The following UQCR10 variants were observed in gnomAD, a reference collection of about 807,000 sequenced individuals.
The protein encoded by UQCR10 is cytochrome b-c1 complex subunit 9.
UQCR10 carries 5 observed loss-of-function variants against 6.0 expected under a neutral mutation model. The ratio of observed to expected loss-of-function variants is 0.83; its 90% CI spans 0.43 to 1.74. The LOEUF (loss-of-function observed/expected upper bound fraction) is 1.74. Ranked by LOEUF, UQCR10 falls within the 40% of genes most tolerant of loss-of-function variation. The pLI, the probability that UQCR10 is intolerant of heterozygous loss-of-function variation, is 0.02. For synonymous variants in UQCR10, 40 were observed against 37.4 expected (o/e 1.07, Z -0.26); for missense variants, 101 against 85.1 (o/e 1.19, Z -0.74).
Position 29,767,428 on chromosome 22 carries a change from G to T in UQCR10, c.30G>T (p.Leu10Phe). The T allele has an allele frequency of 1.2e-6, 2 of 1,613,634 alleles. No individual in the cohort carries two copies. Among genetic ancestry groups the T allele is most frequent in the Non-Finnish European group, 1.7e-6 (2 of 1,179,644 alleles). ...CGGCCGCGACGTTGACTTCGAAATT[G>T]TACTCCCTGCTGTTCCGCAGGACCT... MAAATLTSK[L>F]YSLLFRRTST... The change falls in exon 1 of 2, where the codon TTG (leucine) becomes TTT (phenylalanine). Residue 10 changes from leucine to phenylalanine, a missense_variant. By Grantham distance (22) the Leu-to-Phe change is conservative (BLOSUM62 0). Transcript: ENST00000330029.
chr22:29,767,582 G>C (rs200176748), intron 1 of UQCR10, 34 bp downstream of exon 1: 1 of 1,527,006 alleles, frequency 6.5e-7, no homozygotes, highest in Non-Finnish European at 9.0e-7. Context: ...CCTTGGACCC[G>C]CCTGAGGGGT....
chr22:29,769,808 C>T lies in UQCR10; in HGVS notation c.*89C>T. On this transcript the variant is annotated 3_prime_UTR_variant, in exon 2 of 2. Coordinates refer to ENST00000330029, the MANE Select transcript of UQCR10 (RefSeq NM_013387.4). ...CTGGAGCCTCAGCTTGAAGATGATG[C>T]TCAAGGTACTCTTCATGGACCACCA... The T allele has an allele frequency of 7.1e-7, 1 of 1,415,730 alleles. No homozygotes were observed. The highest frequency in any genetic ancestry group is 9.8e-7 in the Non-Finnish European group (1 of 1,021,346). 87.7% of individuals were successfully genotyped at this position (1,415,730 alleles called of 1,614,324 possible). A position where few individuals can be genotyped will look rare whatever the true frequency, so the allele number is the denominator to read the frequency against.
Position 29,767,539 on chromosome 22 carries a change from C to G in UQCR10, c.141C>G (p.Ile47Met), listed in dbSNP as rs2068230926. 1 of 1,613,690 alleles carries G rather than the reference C, an allele frequency of 6.2e-7. No homozygotes were observed. Among genetic ancestry groups the G allele is most frequent in the South Asian group, 1.1e-5 (1 of 91,078 alleles). The change falls in exon 1 of 2, where the codon ATC becomes ATG. Residue 47 changes from isoleucine to methionine, a missense_variant. Coordinates refer to ENST00000330029, the MANE Select transcript of UQCR10 (RefSeq NM_013387.4). ...DQGADAIYDH[I>M]NEGKLWKHIK... Reference sequence around the variant, plus strand: ...GCGCGGACGCTATCTACGACCACATCAACGAGGGGGTGAGGGCCTGTGCCA... The same window carrying G: ...GCGCGGACGCTATCTACGACCACATGAACGAGGGGGTGAGGGCCTGTGCCA...
rs375997304 is a variant in UQCR10 at position 29,769,948 on chromosome 22, C to G, written c.*229C>G. The G allele has an allele frequency of 2.7e-5, 18 of 657,474 alleles. No individual in the cohort carries two copies. The East Asian group carries it at 4.3e-4, about 16-fold the overall frequency. 40.7% of individuals were successfully genotyped at this position (657,474 alleles called of 1,614,324 possible). ...AATAAATGTGAATTGCCCTTGAGAC[C>G]TGCTTCTACATTGGTTGCTTTGTTA... On this transcript the variant is annotated 3_prime_UTR_variant, in exon 2 of 2. Coordinates refer to ENST00000330029, the MANE Select transcript of UQCR10 (RefSeq NM_013387.4).
chr22:29,767,922 C>T (rs1422322010), intron 1 of UQCR10, among the ~76,000 whole-genome samples: 1 of 152,102 alleles, frequency 6.6e-6, no homozygotes, highest in Non-Finnish European at 1.5e-5. Flanking sequence ...CAGATTTGAG[C>T]AGGCGACGGT....
In UQCR10 at chr22:29,767,509, T is replaced by C; in HGVS notation, c.111T>C (p.Asp37=). ...TCATGTTCTTCGAGCGCGCCTTCGA[T>C]CAAGGCGCGGACGCTATCTACGACC... ...VGVMFFERAF[D]QGADAIYDHI... The change falls in exon 1 of 2, where the codon GAT becomes GAC. Residue 37 remains aspartate, a synonymous_variant. Coordinates refer to ENST00000330029, the MANE Select transcript of UQCR10 (RefSeq NM_013387.4). 1 of 1,613,966 alleles carries C rather than the reference T, an allele frequency of 6.2e-7. No homozygotes were observed. Among genetic ancestry groups the C allele is most frequent in the Non-Finnish European group, 8.5e-7 (1 of 1,179,860 alleles).
chr22:29,767,584 C>T, intron 1 of UQCR10, 36 bp downstream of exon 1: 3 of 1,605,440 alleles, frequency 1.9e-6, no homozygotes, highest in African/African-American at 1.3e-5. Context: ...TTGGACCCGC[C>T]TGAGGGGTGA....
intron 1 of UQCR10, among the ~76,000 whole-genome samples, chr22:29,768,740 C>T (rs1442743704): frequency 6.6e-6 from 1 of 152,142 alleles, no homozygotes; most frequent in Non-Finnish European, 1.5e-5. Flanking sequence ...GATCTTCCCA[C>T]CTCAGCCTCC....
chr22:29,768,976 T>C (rs1220431976), intron 1 of UQCR10, among the ~76,000 whole-genome samples: 1 of 152,172 alleles, frequency 6.6e-6, no homozygotes, highest in Non-Finnish European at 1.5e-5. Context: ...TCCCAGGAAA[T>C]GTCTTAAATG....
chr22:29,767,418 C>G lies in UQCR10; in HGVS notation c.20C>G (p.Thr7Ser). The G allele has an allele frequency of 6.2e-7, 1 of 1,613,338 alleles. No homozygotes were observed. Among genetic ancestry groups the G allele is most frequent in the Non-Finnish European group, 8.5e-7 (1 of 1,179,490 alleles). The change falls in exon 1 of 2, where the codon ACT becomes AGT. Residue 7 changes from threonine (T) to serine (S), a missense_variant. Coordinates refer to ENST00000330029, the MANE Select transcript of UQCR10 (RefSeq NM_013387.4). ...AGAAACATGGCGGCCGCGACGTTGA[C>G]TTCGAAATTGTACTCCCTGCTGTTC... MAAATL[T>S]SKLYSLLFRR...
rs767301432 is a variant in UQCR10 at position 29,769,811 on chromosome 22, A to C, written c.*92A>C. 2 of 1,415,972 alleles carry C rather than the reference A, an allele frequency of 1.4e-6. No individual in the cohort carries two copies. Among genetic ancestry groups the C allele is most frequent in the South Asian group, 1.2e-5 (1 of 81,318 alleles). 87.7% of individuals were successfully genotyped at this position (1,415,972 alleles called of 1,614,324 possible). On this transcript the variant is annotated 3_prime_UTR_variant, in exon 2 of 2. Coordinates refer to ENST00000330029, the MANE Select transcript of UQCR10 (RefSeq NM_013387.4). ...GAGCCTCAGCTTGAAGATGATGCTC[A>C]AGGTACTCTTCATGGACCACCATTC...
chr22:29,769,201 G>A (rs1355551544), intron 1 of UQCR10, among the ~76,000 whole-genome samples: 3 of 152,072 alleles, frequency 2.0e-5, no homozygotes, highest in Non-Finnish European at 4.4e-5. Context: ...TTTTATAAAT[G>A]CCAAGAATTA....
chr22:29,767,648 A>C (rs1446250259), intron 1 of UQCR10, 100 bp downstream of exon 1: 3 of 1,454,850 alleles, frequency 2.1e-6, no homozygotes, highest in Non-Finnish European at 2.8e-6. Context: ...GAAGGGGGTA[A>C]GGGGTAAACC....
rs1307963750 is a variant in UQCR10, at chr22:29,769,855, C to T, written c.*136C>T. On this transcript the variant is annotated 3_prime_UTR_variant, in exon 2 of 2. Coordinates refer to ENST00000330029, the MANE Select transcript of UQCR10 (RefSeq NM_013387.4). ...ACCATTCGCTGTTGGCAAGAAACGG[C>T]TTTACTTACAAAACAGACTCTTTAC... The T allele has an allele frequency of 9.9e-7, 1 of 1,005,716 alleles. No individual in the cohort carries two copies. The highest frequency in any genetic ancestry group is 1.4e-5 in the South Asian group (1 of 72,118). 62.3% of individuals were successfully genotyped at this position (1,005,716 alleles called of 1,614,324 possible). A position where few individuals can be genotyped will look rare whatever the true frequency, so the allele number is the denominator to read the frequency against.
Position 29,767,414 on chromosome 22 carries a change from T to A in UQCR10, c.16T>A (p.Leu6Met). 6.2e-7 allele frequency: 1 copy of A among 1,613,060 alleles called. No homozygotes were observed. The highest frequency in any genetic ancestry group is 8.5e-7 in the Non-Finnish European group (1 of 1,179,360). MAAAT[L>M]TSKLYSLLFR... ...GTGAAGAAACATGGCGGCCGCGACG[T>A]TGACTTCGAAATTGTACTCCCTGCT... Residue 6 changes from leucine (L) to methionine (M), a missense_variant, in exon 1 of 2, where the codon TTG becomes ATG. By Grantham distance (15) the Leu-to-Met change is conservative (BLOSUM62 2). Coordinates refer to ENST00000330029, the MANE Select transcript of UQCR10 (RefSeq NM_013387.4).
rs1229426437 is a variant in UQCR10, at chr22:29,767,396, A to G, written c.-3A>G. 6.2e-7 allele frequency: 1 copy of G among 1,612,502 alleles called. No individual in the cohort carries two copies. Among genetic ancestry groups the G allele is most frequent in the African/African-American group, 1.3e-5 (1 of 74,904 alleles). ...GGTGGCGCGAGTTGGACTGTGAAGA[A>G]ACATGGCGGCCGCGACGTTGACTTC... is the stretch of plus-strand genomic sequence containing the variant. On this transcript the variant is annotated 5_prime_UTR_variant, in exon 1 of 2. Transcript: ENST00000330029.
In UQCR10 at chr22:29,767,382, T is replaced by C. The variant is rs1463169058; in HGVS notation, c.-17T>C. The C allele has an allele frequency of 7.0e-7, 1 of 1,419,626 alleles. No homozygotes were observed. The highest frequency in any genetic ancestry group is 9.8e-7 in the Non-Finnish European group (1 of 1,016,680). 87.9% of individuals were successfully genotyped at this position (1,419,626 alleles called of 1,614,324 possible). A position where few individuals can be genotyped will look rare whatever the true frequency, so the allele number is the denominator to read the frequency against. On this transcript the variant is annotated 5_prime_UTR_variant, in exon 1 of 2. Coordinates refer to ENST00000330029, the MANE Select transcript of UQCR10 (RefSeq NM_013387.4). ...CCCAGCGCAGGCGCGGTGGCGCGAG[T>C]TGGACTGTGAAGAAACATGGCGGCC... is the stretch of plus-strand genomic sequence containing the variant.
rs1013649125 is a variant in UQCR10, at chr22:29,767,499, G to A, written c.101G>A (p.Arg34His). 2 of 1,613,962 alleles carry A rather than the reference G, an allele frequency of 1.2e-6. No individual in the cohort carries two copies. The highest frequency in any genetic ancestry group is 1.7e-6 in the Non-Finnish European group (2 of 1,179,862). The change falls in exon 1 of 2, where the codon CGC (arginine) becomes CAC (histidine). Residue 34 changes from arginine (R) to histidine (H), a missense_variant. Transcript: ENST00000330029. ...TIIVGVMFFE[R>H]AFDQGADAIY... ...ATCGTGGGCGTCATGTTCTTCGAGC[G>A]CGCCTTCGATCAAGGCGCGGACGCT...
In UQCR10 at chr22:29,769,798, G is replaced by A. The variant is rs768546108; in HGVS notation, c.*79G>A. ...TTGCCCAGAGCTGGAGCCTCAGCTT[G>A]AAGATGATGCTCAAGGTACTCTTCA... On this transcript the variant is annotated 3_prime_UTR_variant, in exon 2 of 2. Transcript: ENST00000330029. 2 of 1,490,202 alleles carry A rather than the reference G, an allele frequency of 1.3e-6. No individual in the cohort carries two copies. Among genetic ancestry groups the A allele is most frequent in the South Asian group, 1.2e-5 (1 of 83,348 alleles). 92.3% of individuals were successfully genotyped at this position (1,490,202 alleles called of 1,614,324 possible).
Sources: allele counts gnomAD v4.1 joint callset (sites outside exome capture counted in the v4.1 genomes callset), GRCh38; gene constraint gnomAD v4.1.1; transcripts MANE v1.5; gene names NCBI Gene and HGNC (gene_info 2026-07-23, HGNC 2026-07-21).